The following PDSS2 variants were observed in gnomAD, a reference collection of about 807,000 sequenced individuals.
PDSS2 encodes the protein decaprenyl diphosphate synthase subunit 2.
PDSS2 carries 31 observed loss-of-function variants against 44.5 expected under a neutral mutation model. The observed-to-expected ratio is 0.70, with a 90% CI of 0.52 to 0.94. The LOEUF (loss-of-function observed/expected upper bound fraction) is 0.94, where lower values mean the gene tolerates loss of function less well. PDSS2 is among the 40% of genes least tolerant of loss of function. The pLI, the probability that PDSS2 is intolerant of heterozygous loss-of-function variation, is 0.00. For synonymous variants in PDSS2, 157 were observed against 180.3 expected (o/e 0.87, Z 1.03); for missense variants, 452 against 482.2 (o/e 0.94, Z 0.59).
chr6:107,339,510 C>T (rs1323397507), intron 1 of PDSS2, among the ~76,000 whole-genome samples: 1 of 152,084 alleles, frequency 6.6e-6, no homozygotes, highest in Admixed American at 6.5e-5. Context: ...ATGGAGCTTG[C>T]AGAGCTTATG....
intron 7 of PDSS2, among the ~76,000 whole-genome samples, chr6:107,161,247 G>A (rs1771116076): frequency 1.3e-5 from 2 of 151,802 alleles, no homozygotes; most frequent in African/African-American, 2.4e-5. Flanking sequence ...TTGGGAAGCT[G>A]AGGCGGGCGG....
At chr6:107,268,079 T>C (rs1054063981) in intron 3 of PDSS2, among the ~76,000 whole-genome samples, 2 of 152,202 alleles carry the variant, frequency 1.3e-5, no homozygotes, top group Non-Finnish European at 2.9e-5. Flanking sequence ...GGGCAGAATG[T>C]TACTTGTCTC....
intron 1 of PDSS2, among the ~76,000 whole-genome samples, chr6:107,438,385 T>C (rs979939423): frequency 1.3e-5 from 2 of 152,112 alleles, no homozygotes; most frequent in African/African-American, 4.8e-5. Context: ...TTTTAATTTT[T>C]TTCTTTGTAT....
intron 1 of PDSS2, among the ~76,000 whole-genome samples, chr6:107,438,335 A>T (rs543824968): frequency 2.0e-5 from 3 of 152,004 alleles, no homozygotes; most frequent in Non-Finnish European, 2.9e-5. Flanking sequence ...CAGCCTCCCA[A>T]GTAGCTGGAA....
chr6:107,253,304 G>C (rs1774889393), intron 3 of PDSS2, among the ~76,000 whole-genome samples: 1 of 152,244 alleles, frequency 6.6e-6, no homozygotes, highest in South Asian at 2.1e-4. Context: ...CCCAAGTGCT[G>C]GGATTACAGG....
intron 1 of PDSS2, among the ~76,000 whole-genome samples, chr6:107,401,986 T>A (rs1408030987): frequency 6.6e-6 from 1 of 151,728 alleles, no homozygotes; most frequent in Non-Finnish European, 1.5e-5. Context: ...CTATTAAAAA[T>A]ACAAAAATTA....
intron 7 of PDSS2, among the ~76,000 whole-genome samples, chr6:107,164,883 A>G (rs1468982305): frequency 2.6e-5 from 4 of 152,040 alleles, no homozygotes; most frequent in African/African-American, 7.2e-5. Context: ...ATGGTATCTC[A>G]TTGTGGTTTT....
Position 107,210,320 on chromosome 6 carries a change from C to A in PDSS2, c.1008+119G>T, listed in dbSNP as rs1773153793. On this transcript the variant is annotated intron_variant, in intron 6 of 7. Transcript: ENST00000369037. Reference sequence around the variant, plus strand: ...CGAAGATTACAAAGAAAGGATTTTACCTGTTACGTGAATATGCCTAAGGCT... The same window carrying A: ...CGAAGATTACAAAGAAAGGATTTTAACTGTTACGTGAATATGCCTAAGGCT... The A allele has an allele frequency of 3.9e-6, 3 of 765,810 alleles. No homozygotes were observed. In the African/African-American group the frequency reaches 5.2e-5, roughly 13 times the overall value. The allele number at this position is 765,810 out of a possible 1,614,324, so 47.4% of individuals were successfully genotyped here.
chr6:107,225,043 C>T (rs909012218), intron 4 of PDSS2, among the ~76,000 whole-genome samples: 3 of 147,104 alleles, frequency 2.0e-5, no homozygotes, highest in African/African-American at 7.9e-5. Context: ...AGGCCACTCA[C>T]GTGCCATGGC....
intron 2 of PDSS2, among the ~76,000 whole-genome samples, chr6:107,318,890 A>T (rs1014799987): frequency 2.6e-5 from 4 of 152,142 alleles, no homozygotes; most frequent in Non-Finnish European, 4.4e-5. Context: ...TGGGAGGCTG[A>T]GGCAGGAGAA....
At chr6:107,191,971 G>C (rs1308468550) in intron 7 of PDSS2, among the ~76,000 whole-genome samples, 1 of 152,152 alleles carries the variant, frequency 6.6e-6, no homozygotes, top group African/African-American at 2.4e-5. Context: ...GGTGAGGGAG[G>C]CTGCATGTGT....
intron 1 of PDSS2, among the ~76,000 whole-genome samples, chr6:107,359,974 A>G (rs971959143): frequency 6.6e-6 from 1 of 152,222 alleles, no homozygotes; most frequent in Non-Finnish European, 1.5e-5. Flanking sequence ...GCAATCAAGT[A>G]CAATTCCAGG....
At chr6:107,201,517 T>C (rs886131707) in intron 6 of PDSS2, among the ~76,000 whole-genome samples, 4 of 151,644 alleles carry the variant, frequency 2.6e-5, no homozygotes, top group Admixed American at 6.6e-5. Context: ...TGGTAAGTAA[T>C]GGATGTACAA....
At chr6:107,411,129 G>A (rs7744490) in intron 1 of PDSS2, among the ~76,000 whole-genome samples, 1 of 151,910 alleles carries the variant, frequency 6.6e-6, no homozygotes, top group Non-Finnish European at 1.5e-5. Context: ...CAAATGATCC[G>A]CCCACCTCGG....
chr6:107,286,390 AT>A (rs1429780027), intron 2 of PDSS2, among the ~76,000 whole-genome samples: 2 of 151,682 alleles, frequency 1.3e-5, no homozygotes, highest in African/African-American at 4.8e-5. Context: ...GGTGCCTGTA[AT>A]CCCAGCTACT....
chr6:107,155,878 T>G (rs1430893479), intron 7 of PDSS2, among the ~76,000 whole-genome samples: 4 of 21,240 alleles, frequency 1.9e-4, no homozygotes, highest in African/African-American at 3.6e-4. Context: ...TTGCCCGGCC[T>G]TTTTTTTTTT....
intron 2 of PDSS2, among the ~76,000 whole-genome samples, chr6:107,276,136 A>T (rs78234855): frequency 0.19 from 24,767 of 128,770 alleles, 2,410 homozygotes; most frequent in South Asian, 0.23. Flanking sequence ...AAGAAAAGAA[A>T]AGAAAAGAAA....
intron 1 of PDSS2, among the ~76,000 whole-genome samples, chr6:107,353,872 T>C (rs1471392103): frequency 6.6e-6 from 1 of 152,170 alleles, no homozygotes; most frequent in East Asian, 1.9e-4. Context: ...AAGCTTATGA[T>C]TTTAAAAGGT....
chr6:107,413,125 A>C (rs77446221), intron 1 of PDSS2, among the ~76,000 whole-genome samples: 2,779 of 152,356 alleles, frequency 0.018, 74 homozygotes, highest in East Asian at 0.12. Context: ...CTTCTCTTTC[A>C]AAGTTTTTCA....
Sources: gnomAD v4.1 joint callset for allele counts (sites outside exome capture counted in the v4.1 genomes callset) on GRCh38, gnomAD v4.1.1 for gene constraint, MANE v1.5 for transcripts, NCBI Gene and HGNC (gene_info 2026-07-23, HGNC 2026-07-21) for gene names.